RPS6KB1: variants seen among roughly 807,000 people sequenced by gnomAD.
The protein encoded by RPS6KB1 is ribosomal protein S6 kinase B1, also known as ribosomal protein S6 kinase beta-1.
A neutral mutation model predicts 70.2 loss-of-function variants in RPS6KB1; 12 were observed. The ratio of observed to expected loss-of-function variants is 0.17; its 90% CI spans 0.11 to 0.28. RPS6KB1 has a LOEUF of 0.28. RPS6KB1 is among the 10% of genes least tolerant of loss of function. RPS6KB1 has a pLI of 1.00. For synonymous variants in RPS6KB1, 175 were observed against 211.2 expected, an observed-to-expected ratio of 0.83 and a Z score of 1.49; for missense variants, 270 against 646.6, an observed-to-expected ratio of 0.42 and a Z score of 6.32.
chr17:59,902,873 GC>G (rs2042040301), intron 1 of RPS6KB1, among the ~76,000 whole-genome samples: 1 of 151,958 alleles, frequency 6.6e-6, no homozygotes, highest in African/African-American at 2.4e-5. Flanking sequence ...CCACCTCCTC[GC>G]CTGGCCTGAA....
chr17:59,906,797 A>G (rs1598672948), intron 1 of RPS6KB1, among the ~76,000 whole-genome samples: 1 of 151,800 alleles, frequency 6.6e-6, no homozygotes, highest in East Asian at 1.9e-4. Flanking sequence ...GGGTTCAAGC[A>G]ATTCTCCTGC....
intron 1 of RPS6KB1, among the ~76,000 whole-genome samples, chr17:59,905,130 A>T (rs1286996355): frequency 6.6e-6 from 1 of 151,236 alleles, no homozygotes; most frequent in Non-Finnish European, 1.5e-5. Flanking sequence ...CAATCCTCCT[A>T]CCTCATCCTC....
At chr17:59,909,842 C>T (rs1394071665) in intron 1 of RPS6KB1, among the ~76,000 whole-genome samples, 1 of 151,956 alleles carries the variant, frequency 6.6e-6, no homozygotes, top group Admixed American at 6.6e-5. Flanking sequence ...GAAACCCCAT[C>T]TCTACTAAAA....
chr17:59,907,006 CT>C (rs35908905), intron 1 of RPS6KB1: 135 of 144,456 alleles, frequency 9.3e-4, no homozygotes, highest in Middle Eastern at 3.6e-3. Context: ...TGCATTTCTT[CT>C]TTTTTTTTTT....
At chr17:59,932,247 CAA>C (rs761712349) in intron 7 of RPS6KB1, among the ~76,000 whole-genome samples, 10 of 127,484 alleles carry the variant, frequency 7.8e-5, no homozygotes, top group African/African-American at 8.5e-5. Context: ...TACAAAAATA[CAA>C]AAAAAAAAAA....
At chr17:59,945,624 CTCTT>C in intron 14 of RPS6KB1, 106 bp downstream of exon 14, 1 of 657,492 alleles carries the variant, frequency 1.5e-6, no homozygotes, top group East Asian at 2.7e-5. Flanking sequence ...CTGTCATACT[CTCTT>C]TGGTTGACAT....
At chr17:59,929,432 T>C (rs186044192) in intron 5 of RPS6KB1, among the ~76,000 whole-genome samples, 35 of 152,376 alleles carry the variant, frequency 2.3e-4, no homozygotes, top group Non-Finnish European at 2.9e-4. Context: ...GAATCTTGCC[T>C]GCAACAATTA....
At chr17:59,944,143 C>T (rs1440401970) in intron 13 of RPS6KB1, among the ~76,000 whole-genome samples, 1 of 152,108 alleles carries the variant, frequency 6.6e-6, no homozygotes. Context: ...TCACATATAA[C>T]TGTCACAAAT....
intron 1 of RPS6KB1, among the ~76,000 whole-genome samples, chr17:59,905,078 G>A (rs979901032): frequency 5.3e-5 from 8 of 151,996 alleles, no homozygotes; most frequent in African/African-American, 7.3e-5. Flanking sequence ...CAGGAGTAGC[G>A]CAATTTTGGC....
chr17:59,927,343 C>A (rs1165706423), intron 5 of RPS6KB1, among the ~76,000 whole-genome samples: 2 of 151,986 alleles, frequency 1.3e-5, no homozygotes, highest in Admixed American at 1.3e-4. Context: ...CTCGGCCTCC[C>A]AAAATGCTGG....
At chr17:59,919,347 G>A (rs2043139485) in intron 4 of RPS6KB1, among the ~76,000 whole-genome samples, 1 of 152,146 alleles carries the variant, frequency 6.6e-6, no homozygotes, top group African/African-American at 2.4e-5. Flanking sequence ...CAGCTGGTTT[G>A]GGGGCGCTGA....
At chr17:59,900,171 A>AAAACAC (rs1335480561) in intron 1 of RPS6KB1, among the ~76,000 whole-genome samples, 2 of 102,424 alleles carry the variant, frequency 2.0e-5, no homozygotes, top group Admixed American at 1.1e-4. Flanking sequence ...CTAATTGCTA[A>AAAACAC]ACACACACAC....
chr17:59,918,121 C>G lies in RPS6KB1; in HGVS notation c.381+3418C>G, dbSNP rs192954840. Among the ~76,000 whole-genome samples, 4 of 151,916 alleles carry G rather than the reference C, an allele frequency of 2.6e-5. No homozygotes were observed. The East Asian group carries it at 7.8e-4, about 30-fold the overall frequency. ...GCTAATTTTGTATTTTTAGAAGAGACAGGGTTCCTCCATGTTGGTCAGGCT... is the reference window on the plus strand; with the variant it reads ...GCTAATTTTGTATTTTTAGAAGAGAGAGGGTTCCTCCATGTTGGTCAGGCT... On this transcript the variant is annotated intron_variant, in intron 4 of 14. Coordinates refer to ENST00000225577, the MANE Select transcript of RPS6KB1 (RefSeq NM_003161.4).
intron 1 of RPS6KB1, among the ~76,000 whole-genome samples, chr17:59,894,418 A>G (rs1341514829): frequency 2.6e-5 from 4 of 152,196 alleles, no homozygotes; most frequent in African/African-American, 4.8e-5. Flanking sequence ...GTCTAGTTGA[A>G]TACATGGGTT....
chr17:59,905,546 C>T (rs1309255478), intron 1 of RPS6KB1, among the ~76,000 whole-genome samples: 1 of 151,300 alleles, frequency 6.6e-6, no homozygotes, highest in Non-Finnish European at 1.5e-5. Flanking sequence ...CTCTTGTTGC[C>T]CAGGCTGGAG....
intron 5 of RPS6KB1, 63 bp from the exon 6 acceptor site, chr17:59,930,054 C>T (rs763666497): frequency 1.2e-6 from 1 of 864,218 alleles, no homozygotes; most frequent in African/African-American, 1.7e-5. Context: ...CAAACTCTCT[C>T]ATTAGAAGTG....
In RPS6KB1 at chr17:59,947,854, T is replaced by G; in HGVS notation, c.*1066T>G. 1 of 417,862 alleles carries G rather than the reference T, an allele frequency of 2.4e-6. No homozygotes were observed. The highest frequency in any genetic ancestry group is 4.4e-6 in the Non-Finnish European group (1 of 229,810). 25.9% of individuals were successfully genotyped at this position (417,862 alleles called of 1,614,324 possible). On this transcript the variant is annotated 3_prime_UTR_variant, in exon 15 of 15. Transcript: ENST00000225577. ...AAGAGGGTGTTGCTGTGGCCCACTCTCTGTCTAATCTCTTTACAGCAAATT... is the reference window on the plus strand; with the variant it reads ...AAGAGGGTGTTGCTGTGGCCCACTCGCTGTCTAATCTCTTTACAGCAAATT...
chr17:59,908,843 T>C (rs8073501), intron 1 of RPS6KB1, among the ~76,000 whole-genome samples: 66,727 of 129,078 alleles, frequency 0.52, 19,116 homozygotes, highest in African/African-American at 0.79. Flanking sequence ...TGGTCTCGAT[T>C]TCCTGACCTC....
Position 59,934,387 on chromosome 17 carries a change from A to T in RPS6KB1, c.780-47A>T, listed in dbSNP as rs1411223276. On this transcript the variant is annotated intron_variant, in intron 8 of 14. Coordinates refer to ENST00000225577, the MANE Select transcript of RPS6KB1 (RefSeq NM_003161.4). This position sits in a 1 kb window ranked among gnomAD's most constrained non-coding sequence, Gnocchi z 4.8. ...TGTTTTTAAAATTCTAATTCAGATG[A>T]TATGCAAATGGGTGAATTTTTAAGC... The T allele has an allele frequency of 6.5e-7, 1 of 1,537,150 alleles. No homozygotes were observed. The highest frequency in any genetic ancestry group is 2.2e-5 in the East Asian group (1 of 44,496).
Sources: gnomAD v4.1 joint callset for allele counts (sites outside exome capture counted in the v4.1 genomes callset) on GRCh38, gnomAD v4.1.1 for gene constraint, Gnocchi (gnomAD v3.1) non-coding constraint, MANE v1.5 for transcripts, NCBI Gene and HGNC (gene_info 2026-07-23, HGNC 2026-07-21) for gene names.